LRRFIP1: variants seen among roughly 807,000 people sequenced by gnomAD.
LRRFIP1 encodes LRR binding FLII interacting protein 1, also known as leucine-rich repeat flightless-interacting protein 1.
In LRRFIP1, 62 loss-of-function variants were observed where a neutral mutation model predicts 104.4. The ratio of observed to expected loss-of-function variants is 0.59; its 90% CI spans 0.48 to 0.73. The LOEUF is 0.73. LRRFIP1 is among the 30% of genes least tolerant of loss of function. The probability of loss-of-function intolerance (pLI) is 0.00; values close to 1 mark genes in which losing one functional copy is unlikely to be tolerated. For synonymous variants in LRRFIP1, 300 were observed against 299.0 expected (o/e 1.00, Z -0.03); for missense variants, 796 against 824.5 (o/e 0.97, Z 0.42).
intron 20 of LRRFIP1, among the ~76,000 whole-genome samples, chr2:237,771,551 T>TCCCCCCCCCCCCCC (rs772060776): frequency 4.0e-4 from 20 of 50,026 alleles, no homozygotes; most frequent in Non-Finnish European, 4.8e-4. Flanking sequence ...CTGGAACCAA[T>TCCCCCCCCCCCCCC]CCCCCCCCCC....
intron 1 of LRRFIP1, among the ~76,000 whole-genome samples, chr2:237,675,399 C>CA (rs1320559448): frequency 2.0e-5 from 3 of 152,214 alleles, no homozygotes; most frequent in Non-Finnish European, 4.4e-5. Flanking sequence ...TCAGAATAAT[C>CA]AGTTTCCTTC....
At chr2:237,673,864 C>G (rs1399287545) in intron 1 of LRRFIP1, among the ~76,000 whole-genome samples, 1 of 152,130 alleles carries the variant, frequency 6.6e-6, no homozygotes. Context: ...GTCTCAGGAG[C>G]GCCAGCAGCT....
intron 19 of LRRFIP1, chr2:237,764,003 T>C (rs780462770): frequency 6.2e-7 from 1 of 1,614,120 alleles, no homozygotes; most frequent in Admixed American, 1.7e-5. Context: ...CAGGAAAGCT[T>C]TAGACAGCAA....
At position 237,766,071 on chromosome 2, in the gene LRRFIP1, C is replaced by T. The variant is rs1323160658; in HGVS notation, c.1460-3872C>T. Among the ~76,000 whole-genome samples the T allele has an allele frequency of 6.6e-6, 1 of 152,152 alleles. No individual in the cohort carries two copies. The highest frequency in any genetic ancestry group is 2.4e-5 in the African/African-American group (1 of 41,434). On this transcript the variant is annotated intron_variant, in intron 19 of 23. Transcript: ENST00000308482. This position sits in a 1 kb window ranked among gnomAD's most constrained non-coding sequence, Gnocchi z 4.8. ...ATGCCCTCCCTCAGTAAGGAATGCA[C>T]TTCCCTCCTGGCATCGAGCCTGGGG...
Position 237,733,810 on chromosome 2 carries a change from A to AG in LRRFIP1, c.482dup (p.Ser161ArgfsTer9). The AG allele has an allele frequency of 6.2e-7, 1 of 1,613,760 alleles. No individual in the cohort carries two copies. Among genetic ancestry groups the AG allele is most frequent in the Non-Finnish European group, 8.5e-7 (1 of 1,179,818 alleles). The stretch of plus-strand genomic sequence containing the variant: ...GTACAGCGCTGCCCGGCCTTCGGGG[A>AG]GTTACCGGGTGCGTGTGCTGCCCAC... On this transcript the variant is annotated frameshift_variant, in exon 9 of 24. Transcript: ENST00000308482. LOFTEE classifies it high-confidence loss of function.
At chr2:237,716,423 A>C (rs887860207) in intron 3 of LRRFIP1, among the ~76,000 whole-genome samples, 6 of 151,010 alleles carry the variant, frequency 4.0e-5, no homozygotes, top group African/African-American at 1.5e-4. Flanking sequence ...TGTATTATTG[A>C]ATTTTTAAAA....
rs2061403761 is a variant in LRRFIP1 at position 237,780,263 on chromosome 2, T to C, written c.*731T>C. 1 of 152,230 alleles carries C rather than the reference T, an allele frequency of 6.6e-6. No individual in the cohort carries two copies. The highest frequency in any genetic ancestry group is 2.4e-5 in the African/African-American group (1 of 41,462). 9.4% of individuals were successfully genotyped at this position (152,230 alleles called of 1,614,324 possible). A position where few individuals can be genotyped will look rare whatever the true frequency, so the allele number is the denominator to read the frequency against. ...ATTTGGAATTGAAGTCGTTAACTTCTTTTAAAGAATGTACTATTAGAAAAA... is the reference window on the plus strand; with the variant it reads ...ATTTGGAATTGAAGTCGTTAACTTCCTTTAAAGAATGTACTATTAGAAAAA... On this transcript the variant is annotated 3_prime_UTR_variant, in exon 24 of 24. Transcript: ENST00000308482.
intron 1 of LRRFIP1, among the ~76,000 whole-genome samples, chr2:237,676,395 T>C (rs769438146): frequency 1.3e-5 from 2 of 152,252 alleles, no homozygotes; most frequent in African/African-American, 2.4e-5. Flanking sequence ...CTGATGGTTA[T>C]CTTTCTAGTG....
At chr2:237,727,336 A>G (rs964579823) in intron 7 of LRRFIP1, among the ~76,000 whole-genome samples, 2 of 150,070 alleles carry the variant, frequency 1.3e-5, no homozygotes, top group African/African-American at 4.9e-5. Context: ...AGCCTGGGCG[A>G]CAGAGCGAGA....
intron 1 of LRRFIP1, among the ~76,000 whole-genome samples, chr2:237,641,496 C>CA (rs10645424): frequency 0.23 from 28,105 of 121,840 alleles, 3,293 homozygotes; most frequent in Non-Finnish European, 0.29. Context: ...GACTCTGTCT[C>CA]AAAAAAAAAA....
chr2:237,745,666 GA>G (rs2057748649), intron 11 of LRRFIP1, among the ~76,000 whole-genome samples: 1 of 152,132 alleles, frequency 6.6e-6, no homozygotes, highest in African/African-American at 2.4e-5. Context: ...ATACCAGAAA[GA>G]AAAAAGGGCT....
intron 1 of LRRFIP1, among the ~76,000 whole-genome samples, chr2:237,669,676 C>T (rs2090031048): frequency 6.6e-6 from 1 of 152,130 alleles, no homozygotes; most frequent in South Asian, 2.1e-4. Flanking sequence ...GTTTGTTGAG[C>T]AGAGGAGTGA....
In LRRFIP1 at chr2:237,763,446, A is replaced by G. The variant is rs751982261; in HGVS notation, c.1459+3241A>G. ...AAGAACAAGAAAAAGAAAAACAAGA[A>G]GAAAAAATCCCCAGTACCCGTAGAA... On this transcript the variant is annotated intron_variant, in intron 19 of 23. Coordinates refer to ENST00000308482, the MANE Select transcript of LRRFIP1 (RefSeq NM_001137550.2). The G allele has an allele frequency of 3.1e-6, 5 of 1,613,466 alleles. No homozygotes were observed. In the African/African-American group the frequency reaches 6.7e-5, roughly 22 times the overall value.
chr2:237,742,427 G>A, intron 11 of LRRFIP1, among the ~76,000 whole-genome samples: 1 of 152,194 alleles, frequency 6.6e-6, no homozygotes. Context: ...TTAGAATGCA[G>A]AGAGGTCTCT....
At position 237,758,275 on chromosome 2, in the gene LRRFIP1, C is replaced by T. The variant is rs537293619; in HGVS notation, c.1225-454C>T. Among the ~76,000 whole-genome samples the T allele has an allele frequency of 9.9e-5, 15 of 152,080 alleles. No homozygotes were observed. In the South Asian group the frequency reaches 3.1e-3, roughly 32 times the overall value. On this transcript the variant is annotated intron_variant, in intron 17 of 23. Transcript: ENST00000308482. Reference sequence around the variant, plus strand: ...ATGCACGCACACTTTAGGACCACTTCATTTATCTGAGATGATGGATACCAA... The same window carrying T: ...ATGCACGCACACTTTAGGACCACTTTATTTATCTGAGATGATGGATACCAA...
At chr2:237,731,095 TG>T (rs1205919283) in intron 8 of LRRFIP1, among the ~76,000 whole-genome samples, 3 of 152,226 alleles carry the variant, frequency 2.0e-5, no homozygotes, top group African/African-American at 7.2e-5. Flanking sequence ...AGGGTGCTGT[TG>T]GAGCTGTTCC....
rs996864919 is a variant in LRRFIP1 at position 237,749,069 on chromosome 2, G to C, written c.670-130G>C. 3 of 903,294 alleles carry C rather than the reference G, an allele frequency of 3.3e-6. No individual in the cohort carries two copies. The Admixed American group carries it at 8.8e-5, about 26-fold the overall frequency. The allele number at this position is 903,294 out of a possible 1,614,324, so 56.0% of individuals were successfully genotyped here. A position where few individuals can be genotyped will look rare whatever the true frequency, so the allele number is the denominator to read the frequency against. ...GAACAGCATGGGGGAAACTGCCCCC[G>C]TGATCCAGTCTCCTCCCACCAGGGC... is the stretch of plus-strand genomic sequence containing the variant. On this transcript the variant is annotated intron_variant, in intron 12 of 23. Transcript: ENST00000308482.
At chr2:237,752,685 C>T (rs1254733900) in intron 14 of LRRFIP1, among the ~76,000 whole-genome samples, 1 of 152,240 alleles carries the variant, frequency 6.6e-6, no homozygotes. Context: ...CATCGCCATG[C>T]GTATTTTACA....
Position 237,691,599 on chromosome 2 carries a change from GCT to G in LRRFIP1, c.97-16944_97-16943del, listed in dbSNP as rs2092758126. Among the ~76,000 whole-genome samples the G allele has an allele frequency of 6.6e-6, 1 of 152,224 alleles. No individual in the cohort carries two copies. On this transcript the variant is annotated intron_variant, in intron 1 of 23. Coordinates refer to ENST00000308482, the MANE Select transcript of LRRFIP1 (RefSeq NM_001137550.2). The surrounding 1 kb of genome is among the most constrained non-coding windows in gnomAD (Gnocchi z 5.4). ...CAGGTGCAGCGGTGCTGGGGCCTAG[GCT>G]TCCGCGTCCAGGAAGCTCAGCGTGG... is the stretch of plus-strand genomic sequence containing the variant.
Sources: allele counts gnomAD v4.1 joint callset (sites outside exome capture counted in the v4.1 genomes callset), GRCh38; gene constraint gnomAD v4.1.1; non-coding constraint Gnocchi (gnomAD v3.1); transcripts MANE v1.5; gene names NCBI Gene and HGNC (gene_info 2026-07-23, HGNC 2026-07-21).